Variants in COMMD1 observed in about 807,000 individuals in gnomAD.
The protein encoded by COMMD1 is copper metabolism domain containing 1.
Under a neutral mutation model 17.2 loss-of-function variants are expected in COMMD1, and 10 were observed. That is an observed-to-expected ratio of 0.58 (90% CI 0.36 to 0.99). COMMD1 has a LOEUF of 0.99. Among genes scored for constraint, COMMD1 ranks in the 50% least tolerant of loss-of-function variants. The pLI is 0.01. For synonymous variants in COMMD1, 97 were observed against 91.6 expected, an observed-to-expected ratio of 1.06 and a Z score of -0.34; for missense variants, 270 against 231.8, an observed-to-expected ratio of 1.17 and a Z score of -1.07.
intron 2 of COMMD1, among the ~76,000 whole-genome samples, chr2:62,099,361 C>T (rs147626045): frequency 6.6e-6 from 1 of 152,168 alleles, no homozygotes. Context: ...GTTTTCTAAT[C>T]TAGCACACAA....
chr2:61,925,987 T>G (rs1670320579), intron 1 of COMMD1, among the ~76,000 whole-genome samples: 1 of 152,148 alleles, frequency 6.6e-6, no homozygotes, highest in African/African-American at 2.4e-5. Flanking sequence ...GTTTTTGTTT[T>G]TGAGACGGAC....
chr2:62,094,596 G>GT (rs1020721488), intron 2 of COMMD1, among the ~76,000 whole-genome samples: 1 of 152,106 alleles, frequency 6.6e-6, no homozygotes, highest in Non-Finnish European at 1.5e-5. Context: ...ACAGCATTAG[G>GT]TTTTTTATTC....
chr2:62,000,709 G>T lies in COMMD1; in HGVS notation c.189G>T (p.Ala63=), dbSNP rs537717928. 6.2e-7 allele frequency: 1 copy of T among 1,613,740 alleles called. No individual in the cohort carries two copies. The highest frequency in any genetic ancestry group is 8.5e-7 in the Non-Finnish European group (1 of 1,179,994). ...AKMRGILKSI[A]SADMDFNQLE... is the part of the protein sequence containing the mutation. ...TTCTGTCATCTTTATAGTCTATTGCGTCTGCAGACATGGATTTCAACCAGC... is the reference window on the plus strand; with the variant it reads ...TTCTGTCATCTTTATAGTCTATTGCTTCTGCAGACATGGATTTCAACCAGC... The change falls in exon 2 of 3, where the codon GCG becomes GCT. Residue 63 remains alanine, a synonymous_variant. Transcript: ENST00000311832.
At chr2:61,899,916 C>G (rs1669624126) in intron 1 of COMMD1, among the ~76,000 whole-genome samples, 1 of 152,172 alleles carries the variant, frequency 6.6e-6, no homozygotes, top group Non-Finnish European at 1.5e-5. Context: ...AAGTGATCCG[C>G]CCACCTTGGT....
chr2:62,076,158 C>G (rs1420310966), intron 2 of COMMD1, among the ~76,000 whole-genome samples: 1 of 152,254 alleles, frequency 6.6e-6, no homozygotes, highest in East Asian at 1.9e-4. Context: ...CATCCCTTAA[C>G]AGATCAGTAA....
intron 2 of COMMD1, among the ~76,000 whole-genome samples, chr2:62,068,012 A>G (rs1181043885): frequency 1.3e-5 from 2 of 152,174 alleles, no homozygotes; most frequent in Non-Finnish European, 2.9e-5. Context: ...TCAAATTCCC[A>G]CTAATGAAGA....
chr2:62,040,682 T>C (rs544856575), intron 2 of COMMD1, among the ~76,000 whole-genome samples: 43 of 152,252 alleles, frequency 2.8e-4, no homozygotes, highest in African/African-American at 9.9e-4. Flanking sequence ...TCATAGTCTT[T>C]AGTACAGGAA....
rs191342972 is a variant in COMMD1 at position 61,924,323 on chromosome 2, C to T, written c.180+18465C>T. Reference sequence around the variant, plus strand: ...GGAAGCAAGGGAGTGGGCTGCTGGGCGTGTTGGGCTTGAGAACGAGTAAGG... The same window carrying T: ...GGAAGCAAGGGAGTGGGCTGCTGGGTGTGTTGGGCTTGAGAACGAGTAAGG... On this transcript the variant is annotated intron_variant, in intron 1 of 2. Transcript: ENST00000311832. Among the ~76,000 whole-genome samples, 22 of 144,518 alleles carry T rather than the reference C, an allele frequency of 1.5e-4. No homozygotes were observed. The East Asian group carries it at 2.4e-3, about 16-fold the overall frequency. The allele number at this position is 144,518 out of a possible 152,430, so 94.8% of individuals were successfully genotyped here. A position where few individuals can be genotyped will look rare whatever the true frequency, so the allele number is the denominator to read the frequency against.
At chr2:62,063,011 G>A (rs1218552547) in intron 2 of COMMD1, among the ~76,000 whole-genome samples, 1 of 152,034 alleles carries the variant, frequency 6.6e-6, no homozygotes, top group Non-Finnish European at 1.5e-5. Flanking sequence ...GAGGTCAGGA[G>A]ATCGAGACCA....
intron 1 of COMMD1, among the ~76,000 whole-genome samples, chr2:61,909,578 TG>T (rs373889459): frequency 3.0e-4 from 45 of 152,296 alleles, no homozygotes; most frequent in African/African-American, 1.0e-3. Context: ...TGTGGAGTAT[TG>T]GTGGAGGAGG....
intron 1 of COMMD1, among the ~76,000 whole-genome samples, chr2:61,949,250 G>A (rs895927395): frequency 6.6e-6 from 1 of 152,202 alleles, no homozygotes; most frequent in Non-Finnish European, 1.5e-5. Flanking sequence ...AAGGGTTTCA[G>A]TTGACTGAGA....
intron 1 of COMMD1, among the ~76,000 whole-genome samples, chr2:61,954,921 C>T (rs919556254): frequency 2.6e-5 from 4 of 152,170 alleles, no homozygotes; most frequent in Admixed American, 1.3e-4. Context: ...GCGATCCACC[C>T]GCCTCGGCCT....
At chr2:61,988,910 C>G (rs1672173661) in intron 1 of COMMD1, among the ~76,000 whole-genome samples, 1 of 152,094 alleles carries the variant, frequency 6.6e-6, no homozygotes, top group Admixed American at 6.6e-5. Context: ...CTGAGTTCTG[C>G]CTGGTGTTGG....
intron 2 of COMMD1, among the ~76,000 whole-genome samples, chr2:62,087,030 G>A (rs1427091125): frequency 1.3e-5 from 2 of 151,880 alleles, no homozygotes; most frequent in East Asian, 3.9e-4. Flanking sequence ...CACCATGTAG[G>A]CCAGGCTGGT....
At chr2:61,972,173 G>A (rs1671667632) in intron 1 of COMMD1, among the ~76,000 whole-genome samples, 1 of 152,126 alleles carries the variant, frequency 6.6e-6, no homozygotes, top group African/African-American at 2.4e-5. Flanking sequence ...TATAATAACT[G>A]TAGACATAGT....
intron 2 of COMMD1, among the ~76,000 whole-genome samples, chr2:62,105,405 G>T (rs1475488703): frequency 1.3e-5 from 2 of 151,500 alleles, no homozygotes; most frequent in African/African-American, 4.9e-5. Context: ...ACTTAAATAT[G>T]ATTTATTAAA....
At position 61,896,057 on chromosome 2, in the gene COMMD1, A is replaced by G. The variant is rs546768081; in HGVS notation, n.119+7215A>G. ...GGCCTTTTCCTGCTAAAACTAGTCT[A>G]TAAAGACTGGAAGAGGTGTTTGTTG... On this transcript the variant is annotated intron_variant and non_coding_transcript_variant, in intron 1 of 2. Coordinates refer to the COMMD1 transcript ENST00000472729. Among the ~76,000 whole-genome samples, 4 of 152,344 alleles carry G rather than the reference A, an allele frequency of 2.6e-5. No individual in the cohort carries two copies. The East Asian group carries it at 5.8e-4, about 22-fold the overall frequency.
intron 1 of COMMD1, among the ~76,000 whole-genome samples, chr2:61,979,825 G>T (rs1671908637): frequency 7.0e-6 from 1 of 143,254 alleles, no homozygotes; most frequent in Non-Finnish European, 1.5e-5. Context: ...GTATACATGT[G>T]CCATGCTGGT....
intron 2 of COMMD1, among the ~76,000 whole-genome samples, chr2:62,016,206 C>CTTTTTTTTTTTTTT (rs769583167): frequency 8.9e-6 from 1 of 112,262 alleles, no homozygotes; most frequent in Non-Finnish European, 1.8e-5. Context: ...CTTTTCTTTT[C>CTTTTTTTTTTTTTT]TTTTTTTTTT....
Sources: gnomAD v4.1 joint callset for allele counts (sites outside exome capture counted in the v4.1 genomes callset) on GRCh38, gnomAD v4.1.1 for gene constraint, MANE v1.5 for transcripts, NCBI Gene and HGNC (gene_info 2026-07-23, HGNC 2026-07-21) for gene names.